The following ARHGAP15 variants were observed in gnomAD, a reference collection of about 807,000 sequenced individuals.
ARHGAP15 encodes Rho GTPase activating protein 15.
Under a neutral mutation model 63.7 loss-of-function variants are expected in ARHGAP15, and 51 were observed. That is an observed-to-expected ratio of 0.80 (90% CI 0.64 to 1.01). The LOEUF (loss-of-function observed/expected upper bound fraction) is 1.01, where lower values mean the gene tolerates loss of function less well. Among genes scored for constraint, ARHGAP15 ranks in the 50% least tolerant of loss-of-function variants. ARHGAP15 has a pLI of 0.00. For synonymous variants in ARHGAP15, 191 were observed against 193.8 expected (o/e 0.99, Z 0.12); for missense variants, 560 against 564.6 (o/e 0.99, Z 0.08).
intron 12 of ARHGAP15, among the ~76,000 whole-genome samples, chr2:143,697,421 G>A (rs995399188): frequency 4.6e-5 from 7 of 152,176 alleles, no homozygotes; most frequent in South Asian, 4.1e-4. Flanking sequence ...TTAATTCTAC[G>A]AAAATCCAAT....
chr2:143,238,550 C>T (rs899582468), intron 5 of ARHGAP15, among the ~76,000 whole-genome samples: 1 of 152,086 alleles, frequency 6.6e-6, no homozygotes, highest in Admixed American at 6.6e-5. Flanking sequence ...ACAACAGGTG[C>T]TGGTGAGGTT....
chr2:143,333,408 G>A (rs926044482), intron 6 of ARHGAP15, among the ~76,000 whole-genome samples: 2 of 152,114 alleles, frequency 1.3e-5, no homozygotes, highest in Non-Finnish European at 2.9e-5. Flanking sequence ...CTTCTTGTCC[G>A]AGTTGCAGTA....
intron 5 of ARHGAP15, among the ~76,000 whole-genome samples, chr2:143,230,800 T>C (rs549157105): frequency 2.2e-4 from 34 of 152,320 alleles, no homozygotes; most frequent in Admixed American, 1.4e-3. Flanking sequence ...TGGTTTTATT[T>C]TGAAAGAGAT....
intron 10 of ARHGAP15, among the ~76,000 whole-genome samples, chr2:143,531,492 G>A (rs11887074): frequency 0.21 from 32,144 of 151,964 alleles, 3,688 homozygotes; most frequent in Middle Eastern, 0.28. Flanking sequence ...TTTGTAAATA[G>A]CAGGTTTATA....
chr2:143,339,543 A>T (rs1208787532), intron 6 of ARHGAP15, among the ~76,000 whole-genome samples: 1 of 152,094 alleles, frequency 6.6e-6, no homozygotes, highest in Non-Finnish European at 1.5e-5. Flanking sequence ...TATATTCCAG[A>T]CAATCTTGGG....
chr2:143,241,904 A>G (rs1693876451), intron 5 of ARHGAP15, among the ~76,000 whole-genome samples: 2 of 152,206 alleles, frequency 1.3e-5, no homozygotes, highest in Non-Finnish European at 2.9e-5. Context: ...CCCCACTACA[A>G]TGAGCTTCAA....
intron 11 of ARHGAP15, among the ~76,000 whole-genome samples, chr2:143,591,918 C>T (rs1697337544): frequency 8.3e-6 from 1 of 120,798 alleles, no homozygotes; most frequent in Non-Finnish European, 1.8e-5. Flanking sequence ...CTGCACCTGG[C>T]TGGGATAAGA....
At chr2:143,308,948 A>G (rs1423173479) in intron 6 of ARHGAP15, among the ~76,000 whole-genome samples, 2 of 150,886 alleles carry the variant, frequency 1.3e-5, no homozygotes, top group African/African-American at 4.8e-5. Context: ...AAAAAAAAAA[A>G]AAAAAAAAGG....
chr2:143,508,782 G>T (rs867265580), intron 9 of ARHGAP15, among the ~76,000 whole-genome samples: 1 of 152,282 alleles, frequency 6.6e-6, no homozygotes, highest in Middle Eastern at 3.4e-3. Flanking sequence ...CTTCCTGGCT[G>T]GTGTAATCAC....
intron 11 of ARHGAP15, among the ~76,000 whole-genome samples, chr2:143,599,627 C>G (rs1036910881): frequency 7.9e-5 from 12 of 152,058 alleles, no homozygotes; most frequent in Non-Finnish European, 1.5e-4. Flanking sequence ...GAAACGAAGC[C>G]ATAACTACCA....
At chr2:143,368,949 G>A (rs35092348) in intron 6 of ARHGAP15, among the ~76,000 whole-genome samples, 14,478 of 152,030 alleles carry the variant, frequency 0.095, 1,115 homozygotes, top group Non-Finnish European at 0.12. Context: ...TAAATTAAAT[G>A]TATAGTCAAC....
chr2:143,320,345 A>C (rs10176398), intron 6 of ARHGAP15, among the ~76,000 whole-genome samples: 100,033 of 147,478 alleles, frequency 0.68, 35,078 homozygotes, highest in African/African-American at 0.86. Flanking sequence ...CAGCCCTAAA[A>C]TGGCCGCAAT....
At chr2:143,509,260 C>A (rs368037928) in intron 9 of ARHGAP15, among the ~76,000 whole-genome samples, 5 of 151,598 alleles carry the variant, frequency 3.3e-5, no homozygotes, top group African/African-American at 7.3e-5. Context: ...TATTTGGTAA[C>A]TCCTATTTAT....
intron 6 of ARHGAP15, among the ~76,000 whole-genome samples, chr2:143,264,496 G>A (rs1488982029): frequency 6.6e-6 from 1 of 152,036 alleles, no homozygotes; most frequent in Admixed American, 6.6e-5. Context: ...ATGACAGCCT[G>A]GACCTGCTGC....
chr2:143,692,072 T>TGGATA (rs965070423), intron 12 of ARHGAP15, among the ~76,000 whole-genome samples: 1 of 152,284 alleles, frequency 6.6e-6, no homozygotes, highest in African/African-American at 2.4e-5. Context: ...CCGAAACTTC[T>TGGATA]GGATAGGTTT....
chr2:143,318,610 C>T (rs147446180), intron 6 of ARHGAP15, among the ~76,000 whole-genome samples: 3,310 of 139,676 alleles, frequency 0.024, 51 homozygotes, highest in Non-Finnish European at 0.037. Flanking sequence ...TGGTAAACTG[C>T]TTACAGGCAC....
chr2:143,755,952 T>C (rs1253261814), intron 13 of ARHGAP15, among the ~76,000 whole-genome samples: 4 of 151,572 alleles, frequency 2.6e-5, no homozygotes, highest in African/African-American at 9.7e-5. Context: ...GGTAACAGAG[T>C]GAGACTCCAT....
At chr2:143,400,787 G>T (rs1456101777) in intron 6 of ARHGAP15, among the ~76,000 whole-genome samples, 4 of 151,988 alleles carry the variant, frequency 2.6e-5, no homozygotes, top group Admixed American at 6.6e-5. Flanking sequence ...AAATTGCAGG[G>T]TATTGTTTAG....
rs561844052 is a variant in ARHGAP15 at position 143,424,388 on chromosome 2, A to T, written c.475-11213A>T. On this transcript the variant is annotated intron_variant, in intron 6 of 13. Coordinates refer to ENST00000295095, the MANE Select transcript of ARHGAP15 (RefSeq NM_018460.4). The stretch of plus-strand genomic sequence containing the variant: ...TAGTTTTACAAATCTAATTTTTTTT[A>T]AAAAAATGAGAAATGGTAATATAAT... Among the ~76,000 whole-genome samples the T allele has an allele frequency of 6.2e-4, 95 of 152,112 alleles. 1 individual carries two copies. The highest frequency in any genetic ancestry group is 2.1e-3 in the South Asian group (10 of 4,816).
Sources: gnomAD v4.1 joint callset for allele counts (sites outside exome capture counted in the v4.1 genomes callset) on GRCh38, gnomAD v4.1.1 for gene constraint, MANE v1.5 for transcripts, NCBI Gene and HGNC (gene_info 2026-07-23, HGNC 2026-07-21) for gene names.